CAST: variants seen among roughly 807,000 people sequenced by gnomAD.
CAST encodes the protein MIR583 host.
Under a neutral mutation model 119.6 loss-of-function variants are expected in CAST, and 76 were observed. That is an observed-to-expected ratio of 0.64 (90% CI 0.53 to 0.77). The LOEUF is 0.77. Ranked by LOEUF, CAST falls within the 30% of genes least tolerant of loss-of-function variation. The probability of loss-of-function intolerance (pLI) is 0.00; values close to 1 mark genes in which losing one functional copy is unlikely to be tolerated. For missense variants in CAST, 953 were observed against 946.5 expected, an observed-to-expected ratio of 1.01 and a Z score of -0.09; for synonymous variants, 319 against 331.6, an observed-to-expected ratio of 0.96 and a Z score of 0.41.
chr5:96,498,669 GTAAA>G, the CAST span, among the ~76,000 whole-genome samples: 1 of 152,160 alleles, frequency 6.6e-6, no homozygotes, highest in Non-Finnish European at 1.5e-5. Context: ...TTTATTTGTG[GTAAA>G]TAATTATCTT....
chr5:96,662,525 G>T, intron 1 of CAST, 28 bp downstream of exon 1: 1 of 1,351,798 alleles, frequency 7.4e-7, no homozygotes, highest in South Asian at 1.8e-5. Context: ...CGGCGTCGCG[G>T]GGCTGGGCGA....
At chr5:96,254,148 G>A in the CAST span, among the ~76,000 whole-genome samples, 1 of 152,070 alleles carries the variant, frequency 6.6e-6, no homozygotes, top group Admixed American at 6.6e-5. Context: ...CTAATTTAGG[G>A]TGAGAGACAA....
the CAST span, among the ~76,000 whole-genome samples, chr5:96,385,964 G>T: frequency 6.6e-6 from 1 of 152,124 alleles, no homozygotes; most frequent in African/African-American, 2.4e-5. Context: ...TCTACTCCTT[G>T]CTATCTGCAT....
chr5:96,741,082 A>T (rs932767515), intron 13 of CAST, 184 bp from the exon 14 acceptor site: 13 of 597,958 alleles, frequency 2.2e-5, no homozygotes, highest in Non-Finnish European at 3.6e-5. Context: ...GGAAGTGGAA[A>T]ATAATACTCA....
chr5:96,558,539 C>T, intron 1 of CAST, among the ~76,000 whole-genome samples: 1 of 152,114 alleles, frequency 6.6e-6, no homozygotes, highest in East Asian at 1.9e-4. Context: ...ACCACAGATC[C>T]CACAGAAATA....
At chr5:96,044,635 T>C in the CAST span, among the ~76,000 whole-genome samples, 60 of 152,324 alleles carry the variant, frequency 3.9e-4, 1 homozygote, top group South Asian at 9.3e-3. Flanking sequence ...TGCTTACCTA[T>C]GTGTCCCAAA....
intron 1 of CAST, among the ~76,000 whole-genome samples, chr5:96,588,881 T>A (rs1746911289): frequency 1.3e-5 from 2 of 152,220 alleles, no homozygotes; most frequent in Admixed American, 6.5e-5. Flanking sequence ...TTTTTAGTTC[T>A]GCTTAGGAAG....
At chr5:96,112,307 C>A in the CAST span, among the ~76,000 whole-genome samples, 1 of 152,078 alleles carries the variant, frequency 6.6e-6, no homozygotes, top group East Asian at 1.9e-4. Flanking sequence ...AGTGATCCTG[C>A]CTGGGAAGTA....
chr5:96,612,741 T>C (rs1361432706), intron 1 of CAST, among the ~76,000 whole-genome samples: 1 of 152,232 alleles, frequency 6.6e-6, no homozygotes, highest in Non-Finnish European at 1.5e-5. Context: ...TATGCAAAAA[T>C]TCTTCTGCAT....
the CAST span, among the ~76,000 whole-genome samples, chr5:96,372,548 T>C: frequency 2.0e-5 from 3 of 152,294 alleles, no homozygotes; most frequent in African/African-American, 7.2e-5. Flanking sequence ...GCATTGGTCA[T>C]AAATGTAATA....
chr5:96,170,491 C>T, the CAST span, among the ~76,000 whole-genome samples: 5 of 152,184 alleles, frequency 3.3e-5, no homozygotes, highest in Non-Finnish European at 7.3e-5. Context: ...GCTGCCTCAA[C>T]TGTATTATTG....
chr5:96,399,855 C>A, the CAST span: 246 of 915,316 alleles, frequency 2.7e-4, no homozygotes, highest in Non-Finnish European at 4.0e-4. Context: ...CCATCTACTT[C>A]AGAAGGGTAG....
chr5:96,212,258 C>T, the CAST span, among the ~76,000 whole-genome samples: 1 of 152,104 alleles, frequency 6.6e-6, no homozygotes, highest in African/African-American at 2.4e-5. Context: ...CTAATGTAAG[C>T]ATTTAATGCT....
the CAST span, among the ~76,000 whole-genome samples, chr5:96,201,531 T>C: frequency 6.6e-6 from 1 of 152,062 alleles, no homozygotes; most frequent in Non-Finnish European, 1.5e-5. Flanking sequence ...TAAAAACCCA[T>C]ATTCTCCTTT....
At chr5:96,725,162 C>G (rs527372474) in intron 4 of CAST, among the ~76,000 whole-genome samples, 3 of 152,074 alleles carry the variant, frequency 2.0e-5, no homozygotes, top group Non-Finnish European at 4.4e-5. Flanking sequence ...ATGAAGTGTC[C>G]CCAGTGGCTA....
At chr5:96,462,748 C>G in the CAST span, among the ~76,000 whole-genome samples, 1 of 152,090 alleles carries the variant, frequency 6.6e-6, no homozygotes, top group Non-Finnish European at 1.5e-5. Flanking sequence ...CCCCATGTGT[C>G]AAGGGACAAA....
At chr5:96,214,177 C>A in the CAST span, among the ~76,000 whole-genome samples, 1 of 152,138 alleles carries the variant, frequency 6.6e-6, no homozygotes, top group East Asian at 1.9e-4. Context: ...ATTTAAGGAG[C>A]AGAATGGAGA....
the CAST span, among the ~76,000 whole-genome samples, chr5:96,107,440 A>C: frequency 1.3e-5 from 2 of 151,750 alleles, no homozygotes; most frequent in Non-Finnish European, 2.9e-5. Context: ...ATCTCTCAGC[A>C]TTTGCTTGTC....
At chr5:96,247,407 T>C in the CAST span, among the ~76,000 whole-genome samples, 1 of 152,246 alleles carries the variant, frequency 6.6e-6, no homozygotes, top group South Asian at 2.1e-4. Flanking sequence ...ATGGCTGTGT[T>C]TCACAGGACT....
Sources: allele counts gnomAD v4.1 joint callset (sites outside exome capture counted in the v4.1 genomes callset), GRCh38; gene constraint gnomAD v4.1.1; transcripts MANE v1.5; gene names NCBI Gene and HGNC (gene_info 2026-07-23, HGNC 2026-07-21).